The following FARP1 variants were observed in gnomAD, a reference collection of about 807,000 sequenced individuals.
FARP1 encodes FERM, ARHGEF and pleckstrin domain-containing protein 1.
A neutral mutation model predicts 128.8 loss-of-function variants in FARP1; 52 were observed. The ratio of observed to expected loss-of-function variants is 0.40; its 90% CI spans 0.32 to 0.51. The LOEUF (loss-of-function observed/expected upper bound fraction) is 0.51, where lower values mean the gene tolerates loss of function less well. Among genes scored for constraint, FARP1 ranks in the 20% least tolerant of loss-of-function variants. The pLI is 0.45. For synonymous variants in FARP1, 580 were observed against 551.8 expected (o/e 1.05, Z -0.72); for missense variants, 1,333 against 1,367.9 (o/e 0.97, Z 0.40).
At position 98,227,051 on chromosome 13, in the gene FARP1, T is replaced by C. The variant is rs1392760410; in HGVS notation, c.171+13638T>C. Reference sequence around the variant, plus strand: ...CGCCTCCCGGGTTCACGTCATTCTCTAGCCTCAGCCTCCTGAGTAGCTGGG... The same window carrying C: ...CGCCTCCCGGGTTCACGTCATTCTCCAGCCTCAGCCTCCTGAGTAGCTGGG... On this transcript the variant is annotated intron_variant, in intron 2 of 26. Transcript: ENST00000319562. Among the ~76,000 whole-genome samples the C allele has an allele frequency of 2.0e-5, 3 of 152,030 alleles. No individual in the cohort carries two copies. The East Asian group carries it at 5.8e-4, about 29-fold the overall frequency.
intron 2 of FARP1, among the ~76,000 whole-genome samples, chr13:98,260,800 G>T (rs1187440763): frequency 6.6e-6 from 1 of 152,170 alleles, no homozygotes. Flanking sequence ...CTTCTCATCT[G>T]CTTCTCGTCA....
At chr13:98,330,986 A>G (rs1887484112) in intron 2 of FARP1, among the ~76,000 whole-genome samples, 2 of 152,284 alleles carry the variant, frequency 1.3e-5, no homozygotes, top group South Asian at 4.1e-4. Flanking sequence ...AATCACTGCT[A>G]TCATCAGTTG....
intron 18 of FARP1, 48 bp from the exon 19 acceptor site, chr13:98,435,528 C>G: frequency 6.4e-7 from 1 of 1,567,414 alleles, no homozygotes; most frequent in Non-Finnish European, 8.7e-7. Flanking sequence ...AGGGGAAGAC[C>G]CCTGCCTGCC....
chr13:98,342,593 G>C (rs748293279), intron 2 of FARP1, among the ~76,000 whole-genome samples: 3 of 151,916 alleles, frequency 2.0e-5, no homozygotes, highest in Non-Finnish European at 4.4e-5. Flanking sequence ...CCAGCTACTC[G>C]GGAGGCCGAG....
chr13:98,427,557 A>G lies in FARP1; in HGVS notation c.1905+2907A>G, dbSNP rs529715275. On this transcript the variant is annotated intron_variant, in intron 17 of 26. Transcript: ENST00000319562. Reference sequence around the variant, plus strand: ...CAGGTTCATCTCCACCCGCGGGGACAGTCCCCAGTGTGGTGCTGTTCAGCA... The same window carrying G: ...CAGGTTCATCTCCACCCGCGGGGACGGTCCCCAGTGTGGTGCTGTTCAGCA... Among the ~76,000 whole-genome samples the G allele has an allele frequency of 6.5e-4, 99 of 152,328 alleles. No individual in the cohort carries two copies. The East Asian group carries it at 0.01, about 16-fold the overall frequency.
chr13:98,215,928 C>T lies in FARP1; in HGVS notation c.171+2515C>T, dbSNP rs117763688. On this transcript the variant is annotated intron_variant, in intron 2 of 26. Coordinates refer to ENST00000319562, the MANE Select transcript of FARP1 (RefSeq NM_005766.4). Reference sequence around the variant, plus strand: ...GCCTCAGCCTCCCAAGTAGCTGGTACGATAGGTGCCTGCCACCACACCCAG... The same window carrying T: ...GCCTCAGCCTCCCAAGTAGCTGGTATGATAGGTGCCTGCCACCACACCCAG... Among the ~76,000 whole-genome samples the T allele has an allele frequency of 1.6e-3, 246 of 152,038 alleles. 2 individuals are homozygous for T. The East Asian group carries it at 0.024, about 15-fold the overall frequency.
chr13:98,299,984 A>G (rs1885855426), intron 2 of FARP1, among the ~76,000 whole-genome samples: 1 of 152,184 alleles, frequency 6.6e-6, no homozygotes, highest in African/African-American at 2.4e-5. Flanking sequence ...AGGAGCATTG[A>G]AAGCTTCCTC....
intron 2 of FARP1, among the ~76,000 whole-genome samples, chr13:98,217,119 TTAG>T (rs1199346908): frequency 6.6e-6 from 1 of 152,192 alleles, no homozygotes; most frequent in Non-Finnish European, 1.5e-5. Context: ...CCCACTGACA[TTAG>T]TAGGATGAAG....
rs1362208487 is a variant in FARP1 at position 98,365,446 on chromosome 13, A to T, written c.319+9A>T. 1.3e-6 allele frequency: 2 copies of T among 1,585,314 alleles called. No homozygotes were observed. The highest frequency in any genetic ancestry group is 1.7e-6 in the Non-Finnish European group (2 of 1,154,378). On this transcript the variant is annotated intron_variant, in intron 4 of 26. Coordinates refer to ENST00000319562, the MANE Select transcript of FARP1 (RefSeq NM_005766.4). ...TGTGAAACAGATTAGAAGTGAGTAT[A>T]TACCATATGTTTAATAGTGATGTGA...
At chr13:98,367,779 AT>A (rs912289940) in intron 4 of FARP1, among the ~76,000 whole-genome samples, 3 of 152,232 alleles carry the variant, frequency 2.0e-5, no homozygotes, top group African/African-American at 7.2e-5. Context: ...TGTTTTCATT[AT>A]TTGGGTAAAA....
intron 2 of FARP1, among the ~76,000 whole-genome samples, chr13:98,242,483 C>G (rs1386813177): frequency 6.6e-6 from 1 of 152,040 alleles, no homozygotes; most frequent in Non-Finnish European, 1.5e-5. Flanking sequence ...CGAGACCAGC[C>G]TGGGCAACAT....
intron 1 of FARP1, among the ~76,000 whole-genome samples, chr13:98,155,654 G>A (rs1876454006): frequency 6.6e-6 from 1 of 152,108 alleles, no homozygotes; most frequent in Admixed American, 6.6e-5. Flanking sequence ...AAGTAGCTGA[G>A]ACTACAGGTG....
chr13:98,304,635 G>A (rs1221707132), intron 2 of FARP1, among the ~76,000 whole-genome samples: 1 of 152,224 alleles, frequency 6.6e-6, no homozygotes, highest in Non-Finnish European at 1.5e-5. Context: ...TTGCAGGCGG[G>A]CAGGTGCCAT....
intron 3 of FARP1, among the ~76,000 whole-genome samples, chr13:98,360,752 A>G (rs1166507753): frequency 2.0e-5 from 3 of 152,184 alleles, no homozygotes; most frequent in Non-Finnish European, 4.4e-5. Context: ...CTGATGGGCA[A>G]TGAGATTTCT....
chr13:98,214,002 G>C (rs1880906256), intron 2 of FARP1, among the ~76,000 whole-genome samples: 1 of 152,156 alleles, frequency 6.6e-6, no homozygotes, highest in Non-Finnish European at 1.5e-5. Context: ...CAGCCCTAGA[G>C]ATGGGGAGGC....
intron 19 of FARP1, 106 bp downstream of exon 19, chr13:98,435,812 TC>T (rs779972170): frequency 8.4e-7 from 1 of 1,186,300 alleles, no homozygotes; most frequent in South Asian, 1.2e-5. Flanking sequence ...AAGCAAAATG[TC>T]CTCTTTCCAT....
At chr13:98,213,525 A>T in intron 2 of FARP1, 112 bp downstream of exon 2, 1 of 1,114,178 alleles carries the variant, frequency 9.0e-7, no homozygotes, top group African/African-American at 1.6e-5. Flanking sequence ...GAGGTCCTGC[A>T]TGTTCAGCAC....
intron 2 of FARP1, among the ~76,000 whole-genome samples, chr13:98,315,922 G>T (rs1886699473): frequency 6.6e-6 from 1 of 152,270 alleles, no homozygotes; most frequent in African/African-American, 2.4e-5. Flanking sequence ...TATTGTCATT[G>T]ATAATCTTCA....
At chr13:98,425,799 A>G (rs1891765219) in intron 17 of FARP1, among the ~76,000 whole-genome samples, 2 of 152,230 alleles carry the variant, frequency 1.3e-5, no homozygotes, top group South Asian at 4.1e-4. Flanking sequence ...CACATTTAAA[A>G]AGTCTGCCCC....
Sources: allele counts gnomAD v4.1 joint callset (sites outside exome capture counted in the v4.1 genomes callset), GRCh38; gene constraint gnomAD v4.1.1; transcripts MANE v1.5; gene names NCBI Gene and HGNC (gene_info 2026-07-23, HGNC 2026-07-21).